CCDC186: variants seen among roughly 807,000 people sequenced by gnomAD.
The protein encoded by CCDC186 is coiled-coil domain containing 186, also known as coiled-coil domain-containing protein 186.
Under a neutral mutation model 113.7 loss-of-function variants are expected in CCDC186, and 49 were observed. The ratio of observed to expected loss-of-function variants is 0.43; its 90% confidence interval spans 0.34 to 0.55. The LOEUF (loss-of-function observed/expected upper bound fraction) is 0.55. CCDC186 is among the 20% of genes least tolerant of loss of function. The pLI is 0.02. For missense variants in CCDC186, 890 were observed against 1,011.1 expected (o/e 0.88, Z 1.62); for synonymous variants, 355 against 345.8 (o/e 1.03, Z -0.30).
chr10:114,141,286 AAC>A (rs1429377645), intron 6 of CCDC186, among the ~76,000 whole-genome samples: 2 of 152,166 alleles, frequency 1.3e-5, no homozygotes, highest in Non-Finnish European at 2.9e-5. Flanking sequence ...CTGGATGCCA[AAC>A]ACAGTAAATT....
intron 13 of CCDC186, among the ~76,000 whole-genome samples, chr10:114,128,768 C>T (rs2030993223): frequency 6.6e-6 from 1 of 152,010 alleles, no homozygotes; most frequent in South Asian, 2.1e-4. Flanking sequence ...TAGACTCTAC[C>T]CATTTTTACT....
intron 10 of CCDC186, among the ~76,000 whole-genome samples, chr10:114,133,985 G>T (rs796454588): frequency 3.2e-4 from 48 of 152,288 alleles, no homozygotes; most frequent in African/African-American, 1.1e-3. Context: ...GGATAAAGAA[G>T]AATAATCAAG....
In CCDC186 at chr10:114,174,159, G is replaced by A. The variant is rs573692968; in HGVS notation, c.-206C>T. On this transcript the variant is annotated 5_prime_UTR_variant, in exon 1 of 16. Transcript: ENST00000369287. ...AAACACAGCCGACGCCTCACTCAGC[G>A]GCCGTTTCCCCAAACCCCTGCGGAG... 3 of 467,948 alleles carry A rather than the reference G, an allele frequency of 6.4e-6. No individual in the cohort carries two copies. The highest frequency in any genetic ancestry group is 2.4e-5 in the Admixed American group (1 of 42,156). The allele number at this position is 467,948 out of a possible 1,614,324, so 29.0% of individuals were successfully genotyped here.
In CCDC186 at chr10:114,137,221, G is replaced by A. The variant is rs781536227; in HGVS notation, c.1291C>T (p.Arg431Ter). The stretch of plus-strand genomic sequence containing the variant: ...TTTATCATATCCTGACAGTTTTTTC[G>A]TATCTGATCTGCTTCTTCCTTTGCT... ...TQAKEEADQI[R>*]KNCQDMIKTY... Residue 431 changes from arginine (R) to a stop codon, truncating the protein, a stop_gained, in exon 7 of 16, where the codon CGA (arginine) becomes TGA (stop). Transcript: ENST00000369287. LOFTEE classifies it high-confidence loss of function. The A allele has an allele frequency of 3.1e-6, 5 of 1,613,134 alleles. No individual in the cohort carries two copies. Among genetic ancestry groups the A allele is most frequent in the Non-Finnish European group, 4.2e-6 (5 of 1,179,648 alleles).
chr10:114,149,527 AGGAAGGAAAGGGAAG>A (rs1564912595), intron 4 of CCDC186, among the ~76,000 whole-genome samples: 1 of 142,714 alleles, frequency 7.0e-6, no homozygotes, highest in African/African-American at 2.6e-5. Flanking sequence ...TTAGGAAGGA[AGGAAGGAAAGGGAAG>A]GGAAGGGAAG....
Position 114,122,337 on chromosome 10 carries a change from A to G in CCDC186, c.*2806T>C, listed in dbSNP as rs1364485722. ...TAGAAAGTAAAAACAAAAAAACCCC[A>G]TCAAAGTTCAAATTCATTCTTCTGC... is the stretch of plus-strand genomic sequence containing the variant. On this transcript the variant is annotated 3_prime_UTR_variant, in exon 16 of 16. Transcript: ENST00000369287. 1 of 152,204 alleles carries G rather than the reference A, an allele frequency of 6.6e-6. No individual in the cohort carries two copies. Among genetic ancestry groups the G allele is most frequent in the Non-Finnish European group, 1.5e-5 (1 of 68,016 alleles). 9.4% of individuals were successfully genotyped at this position (152,204 alleles called of 1,614,324 possible). A position where few individuals can be genotyped will look rare whatever the true frequency, so the allele number is the denominator to read the frequency against.
At chr10:114,149,475 A>G (rs945375227) in intron 4 of CCDC186, among the ~76,000 whole-genome samples, 2 of 151,678 alleles carry the variant, frequency 1.3e-5, no homozygotes, top group African/African-American at 4.9e-5. Flanking sequence ...TACCATGTAC[A>G]CCAACTACTA....
At chr10:114,168,160 T>C (rs2119819527) in intron 1 of CCDC186, 1 of 152,346 alleles carries the variant, frequency 6.6e-6, no homozygotes, top group East Asian at 1.9e-4. Context: ...GAGTTGTTTC[T>C]GTTTCTGACA....
intron 6 of CCDC186, among the ~76,000 whole-genome samples, chr10:114,143,626 T>C (rs2031545511): frequency 6.6e-6 from 1 of 152,204 alleles, no homozygotes; most frequent in African/African-American, 2.4e-5. Flanking sequence ...TTGACCACTG[T>C]CAACAGAGAC....
chr10:114,124,989 T>A lies in CCDC186; in HGVS notation c.*154A>T. The stretch of plus-strand genomic sequence containing the variant: ...TCTTACAGTATATACAGCAATGCAT[T>A]CATATTGTAAAAGGGTATTTTTTTG... On this transcript the variant is annotated 3_prime_UTR_variant, in exon 16 of 16. Transcript: ENST00000369287. 1.7e-6 allele frequency: 1 copy of A among 581,720 alleles called. No individual in the cohort carries two copies. Among genetic ancestry groups the A allele is most frequent in the Non-Finnish European group, 3.0e-6 (1 of 330,788 alleles). The allele number at this position is 581,720 out of a possible 1,614,324, so 36.0% of individuals were successfully genotyped here. A position where few individuals can be genotyped will look rare whatever the true frequency, so the allele number is the denominator to read the frequency against.
At chr10:114,148,854 T>C (rs545221304) in intron 4 of CCDC186, among the ~76,000 whole-genome samples, 8 of 152,366 alleles carry the variant, frequency 5.3e-5, no homozygotes, top group South Asian at 2.1e-4. Flanking sequence ...ATCTGGTCTA[T>C]GAAATGAGGA....
intron 9 of CCDC186, 91 bp from the exon 10 acceptor site, chr10:114,135,146 A>T: frequency 8.0e-7 from 1 of 1,253,954 alleles, no homozygotes; most frequent in Non-Finnish European, 1.1e-6. Context: ...TAATCTAAAA[A>T]TTCTAAAGCA....
intron 15 of CCDC186, 133 bp downstream of exon 15, chr10:114,125,753 C>T (rs937246734): frequency 1.2e-5 from 8 of 665,210 alleles, no homozygotes; most frequent in Non-Finnish European, 2.0e-5. Context: ...GAGAAAATCA[C>T]GAAACTTCAT....
intron 3 of CCDC186, among the ~76,000 whole-genome samples, chr10:114,153,980 C>T (rs1000385276): frequency 4.6e-5 from 7 of 151,658 alleles, no homozygotes; most frequent in African/African-American, 1.5e-4. Flanking sequence ...GAGGCTGAGG[C>T]AGGTGGATCG....
At position 114,131,290 on chromosome 10, in the gene CCDC186, T is replaced by C. The variant is rs764824037; in HGVS notation, c.1958A>G (p.Gln653Arg). 10 of 1,599,782 alleles carry C rather than the reference T, an allele frequency of 6.3e-6. No individual in the cohort carries two copies. In the South Asian group the frequency reaches 1.1e-4, roughly 18 times the overall value. ...KEEELRKEEVQTLQAELACRQ... is the reference protein window; with the variant it reads ...KEEELRKEEVRTLQAELACRQ... ...ACAAGCGAGTTCAGCTTGCAGAGTT[T>C]GGACTTCCTCTTTTCGCAGTTCTTC... The change falls in exon 12 of 16, where the codon CAA becomes CGA. Residue 653 changes from glutamine to arginine, a missense_variant. By Grantham distance (43) the Gln-to-Arg change is conservative. Coordinates refer to ENST00000369287, the MANE Select transcript of CCDC186 (RefSeq NM_018017.4).
At position 114,136,237 on chromosome 10, in the gene CCDC186, C is replaced by G. The variant is rs2031256458; in HGVS notation, c.1336G>C (p.Glu446Gln). 6.2e-7 allele frequency: 1 copy of G among 1,609,914 alleles called. No individual in the cohort carries two copies. Among genetic ancestry groups the G allele is most frequent in the South Asian group, 1.1e-5 (1 of 90,910 alleles). ...GCATCAAGCTCATTTGATTTAATTT[C>G]TTCTGACTCCTAGTGGAAAGAAAAC... ...DMIKTYQESE[E>Q]IKSNELDAKL... is the part of the protein sequence containing the mutation. Residue 446 changes from glutamate (E) to glutamine (Q), a missense_variant, in exon 8 of 16, where the codon GAA becomes CAA. Glu to Gln is a conservative substitution (Grantham distance 29). Transcript: ENST00000369287.
intron 13 of CCDC186, among the ~76,000 whole-genome samples, chr10:114,128,860 C>A (rs1207949169): frequency 1.3e-5 from 2 of 152,134 alleles, no homozygotes; most frequent in African/African-American, 4.8e-5. Flanking sequence ...ATCTGATACA[C>A]AATGATGACA....
Position 114,131,929 on chromosome 10 carries a change from C to T in CCDC186, c.1911G>A (p.Leu637=). ...AAAAAAAATGTAAATTTATACTTAC[C>T]AAATTAATATTTGTCTGTTTCATTT... The part of the protein sequence containing the change: ...CEQMKQTNIN[L]ESRLLKEEEL... Residue 637 remains leucine, a splice_region_variant and synonymous_variant, in exon 11 of 16, where the codon TTG becomes TTA. Coordinates refer to ENST00000369287, the MANE Select transcript of CCDC186 (RefSeq NM_018017.4). 3 of 1,594,172 alleles carry T rather than the reference C, an allele frequency of 1.9e-6. No individual in the cohort carries two copies. The highest frequency in any genetic ancestry group is 1.7e-6 in the Non-Finnish European group (2 of 1,169,160).
At chr10:114,167,164 G>A (rs2032360565) in intron 1 of CCDC186, among the ~76,000 whole-genome samples, 1 of 152,088 alleles carries the variant, frequency 6.6e-6, no homozygotes, top group African/African-American at 2.4e-5. Context: ...GGGATTACAG[G>A]CACGAGCCAC....
Sources: allele counts gnomAD v4.1 joint callset (sites outside exome capture counted in the v4.1 genomes callset), GRCh38; gene constraint gnomAD v4.1.1; transcripts MANE v1.5; gene names NCBI Gene and HGNC (gene_info 2026-07-23, HGNC 2026-07-21).